Variants in ZC3H14 observed in about 807,000 individuals in gnomAD.
ZC3H14 encodes the protein zinc finger CCCH-type containing 14, also known as zinc finger CCCH domain-containing protein 14.
A neutral mutation model predicts 92.4 loss-of-function variants in ZC3H14; 31 were observed. That is an observed-to-expected ratio of 0.34 (90% CI 0.25 to 0.45). The LOEUF (loss-of-function observed/expected upper bound fraction) is 0.45. Among genes scored for constraint, ZC3H14 ranks in the 20% least tolerant of loss-of-function variants. The pLI is 1.00. For missense variants in ZC3H14, 781 were observed against 897.3 expected (o/e 0.87, Z 1.66); for synonymous variants, 321 against 300.9 (o/e 1.07, Z -0.69).
intron 8 of ZC3H14, among the ~76,000 whole-genome samples, chr14:88,576,669 G>A (rs2081197485): frequency 6.6e-6 from 1 of 152,196 alleles, no homozygotes; most frequent in Admixed American, 6.5e-5. Flanking sequence ...ACTCTAAAAA[G>A]ATTTAAGTTT....
intron 7 of ZC3H14, among the ~76,000 whole-genome samples, chr14:88,575,221 A>T (rs1191686971): frequency 6.6e-6 from 1 of 152,154 alleles, no homozygotes; most frequent in African/African-American, 2.4e-5. Context: ...TACAGGCATG[A>T]GCCACCGCAC....
At chr14:88,589,349 A>G (rs1459833414) in intron 9 of ZC3H14, 3 of 152,206 alleles carry the variant, frequency 2.0e-5, no homozygotes, top group Admixed American at 6.5e-5. Flanking sequence ...TGGCAGTACC[A>G]TTCACAAGCC....
At chr14:88,585,086 C>T (rs559045225) in intron 9 of ZC3H14, among the ~76,000 whole-genome samples, 2 of 152,156 alleles carry the variant, frequency 1.3e-5, no homozygotes, top group African/African-American at 2.4e-5. Flanking sequence ...TTCCCTTAGC[C>T]CTCATATTGT....
intron 9 of ZC3H14, among the ~76,000 whole-genome samples, chr14:88,593,213 A>T (rs2139939827): frequency 6.6e-6 from 1 of 151,902 alleles, no homozygotes; most frequent in East Asian, 1.9e-4. Flanking sequence ...TAATCCACCC[A>T]CCTTGGCCTC....
rs1441389565 is a variant in ZC3H14 at position 88,625,299 on chromosome 14, AG to A, written c.*13549del. 9 of 653,896 alleles carry A rather than the reference AG, an allele frequency of 1.4e-5. No homozygotes were observed. The African/African-American group carries it at 1.5e-4, about 11-fold the overall frequency. 40.5% of individuals were successfully genotyped at this position (653,896 alleles called of 1,614,324 possible). ...GTCAGGAAACCTGAACGGGAGGCTT[AG>A]CTTTGTCAGGACCTTTTCCTTTCCA... is the stretch of plus-strand genomic sequence containing the variant. On this transcript the variant is annotated 3_prime_UTR_variant, in exon 17 of 17. Coordinates refer to ENST00000251038, the MANE Select transcript of ZC3H14 (RefSeq NM_024824.5).
At chr14:88,602,574 G>T (rs892768025) in intron 11 of ZC3H14, among the ~76,000 whole-genome samples, 1 of 152,196 alleles carries the variant, frequency 6.6e-6, no homozygotes, top group African/African-American at 2.4e-5. Flanking sequence ...GGGTGATGGG[G>T]TCAGGCTTGA....
intron 9 of ZC3H14, among the ~76,000 whole-genome samples, chr14:88,587,752 C>T (rs1323279852): frequency 2.0e-5 from 3 of 151,848 alleles, no homozygotes; most frequent in Non-Finnish European, 1.5e-5. Context: ...TTGAGGCCAG[C>T]GTGGGCAACA....
At chr14:88,594,921 A>G (rs1483545120) in intron 9 of ZC3H14, 1 of 1,613,938 alleles carries the variant, frequency 6.2e-7, no homozygotes, top group East Asian at 2.2e-5. Flanking sequence ...CAGTGGAAGC[A>G]AATCTTTTTG....
intron 3 of ZC3H14, among the ~76,000 whole-genome samples, chr14:88,569,732 T>C (rs2080149991): frequency 6.6e-6 from 1 of 152,232 alleles, no homozygotes; most frequent in African/African-American, 2.4e-5. Flanking sequence ...CTTGCCTTTA[T>C]ACCAAAGGTC....
chr14:88,565,746 A>G (rs1409854802), intron 2 of ZC3H14, among the ~76,000 whole-genome samples: 1 of 152,170 alleles, frequency 6.6e-6, no homozygotes, highest in African/African-American at 2.4e-5. Flanking sequence ...TGAAAAGACT[A>G]TCAGAATACT....
At chr14:88,603,860 C>T (rs1162300250) in intron 12 of ZC3H14, among the ~76,000 whole-genome samples, 1 of 152,124 alleles carries the variant, frequency 6.6e-6, no homozygotes, top group Non-Finnish European at 1.5e-5. Context: ...ATACCTTTCT[C>T]GATCATTAAA....
chr14:88,567,453 C>T (rs973766780), intron 2 of ZC3H14, among the ~76,000 whole-genome samples: 1 of 150,730 alleles, frequency 6.6e-6, no homozygotes, highest in African/African-American at 2.4e-5. Flanking sequence ...AGACCTCACC[C>T]TTATAATCAT....
rs918274002 is a variant in ZC3H14, at chr14:88,617,542, G to C, written c.*5791G>C. The C allele has an allele frequency of 2.6e-5, 4 of 152,560 alleles. No homozygotes were observed. The highest frequency in any genetic ancestry group is 2.1e-4 in the South Asian group (1 of 4,826). 9.5% of individuals were successfully genotyped at this position (152,560 alleles called of 1,614,324 possible). A position where few individuals can be genotyped will look rare whatever the true frequency, so the allele number is the denominator to read the frequency against. The stretch of plus-strand genomic sequence containing the variant: ...CCAACATTTTGGGAGGCTGAGGCAG[G>C]AGGACTGCTTGAGGCCAAGAGTTTG... On this transcript the variant is annotated 3_prime_UTR_variant, in exon 17 of 17. Coordinates refer to ENST00000251038, the MANE Select transcript of ZC3H14 (RefSeq NM_024824.5).
Position 88,623,010 on chromosome 14 carries a change from C to A in ZC3H14, c.*11259C>A. 1.5e-5 allele frequency: 3 copies of A among 202,276 alleles called. No homozygotes were observed. Among genetic ancestry groups the A allele is most frequent in the East Asian group, 1.1e-4 (1 of 8,968 alleles). 12.5% of individuals were successfully genotyped at this position (202,276 alleles called of 1,614,324 possible). The stretch of plus-strand genomic sequence containing the variant: ...TACATTACAATACATTATCCTCTCT[C>A]ATAATACTTTTTTTTTTTTTTTTAA... On this transcript the variant is annotated 3_prime_UTR_variant, in exon 17 of 17. Coordinates refer to ENST00000251038, the MANE Select transcript of ZC3H14 (RefSeq NM_024824.5).
chr14:88,579,424 TCA>T (rs770909601), intron 9 of ZC3H14, among the ~76,000 whole-genome samples: 12 of 152,276 alleles, frequency 7.9e-5, no homozygotes, highest in Non-Finnish European at 1.5e-4. Context: ...GGGATTTTGC[TCA>T]GTGCAGTGGC....
chr14:88,571,035 A>G lies in ZC3H14; in HGVS notation c.195-49A>G, dbSNP rs183584883. On this transcript the variant is annotated intron_variant, in intron 3 of 16. Transcript: ENST00000251038. ...AAATTTAGAGTGACAGTTGAAATGA[A>G]ATCTTTCTTAACAGAAGGTTTATTT... The G allele has an allele frequency of 2.5e-3, 3,504 of 1,430,052 alleles. 9 individuals are homozygous for G. Among genetic ancestry groups the G allele is most frequent in the Non-Finnish European group, 2.7e-3 (2,885 of 1,067,234 alleles). The allele number at this position is 1,430,052 out of a possible 1,614,324, so 88.6% of individuals were successfully genotyped here.
At chr14:88,610,671 G>A (rs2086499389) in intron 15 of ZC3H14, among the ~76,000 whole-genome samples, 163 bp from the exon 16 acceptor site, 1 of 149,744 alleles carries the variant, frequency 6.7e-6, no homozygotes, top group African/African-American at 2.5e-5. Flanking sequence ...AGGCTTGGTA[G>A]CACACGCCTG....
rs1383722418 is a variant in ZC3H14, at chr14:88,611,966, A to G, written c.*215A>G. ...TGGGTGTTTTTGTTTTGTTTTTACT[A>G]TGAAAAGACAGCTTAAGGAAGAGCT... On this transcript the variant is annotated 3_prime_UTR_variant, in exon 17 of 17. Coordinates refer to ENST00000251038, the MANE Select transcript of ZC3H14 (RefSeq NM_024824.5). The G allele has an allele frequency of 6.3e-6, 4 of 631,282 alleles. No homozygotes were observed. Among genetic ancestry groups the G allele is most frequent in the African/African-American group, 1.9e-5 (1 of 54,046 alleles). The allele number at this position is 631,282 out of a possible 1,614,324, so 39.1% of individuals were successfully genotyped here. A position where few individuals can be genotyped will look rare whatever the true frequency, so the allele number is the denominator to read the frequency against.
chr14:88,576,441 A>T (rs1349372943), intron 8 of ZC3H14, among the ~76,000 whole-genome samples: 1 of 152,246 alleles, frequency 6.6e-6, no homozygotes, highest in South Asian at 2.1e-4. Context: ...TCCTGCTCCA[A>T]TTCTAGTGGA....
Sources: gnomAD v4.1 joint callset for allele counts (sites outside exome capture counted in the v4.1 genomes callset) on GRCh38, gnomAD v4.1.1 for gene constraint, MANE v1.5 for transcripts, NCBI Gene and HGNC (gene_info 2026-07-23, HGNC 2026-07-21) for gene names.